SRGAP2: variants seen among roughly 807,000 people sequenced by gnomAD.
SRGAP2 encodes the protein SLIT-ROBO Rho GTPase-activating protein 2.
SRGAP2 carries 15 observed loss-of-function variants against 57.2 expected under a neutral mutation model. That is an observed-to-expected ratio of 0.26 (90% CI 0.18 to 0.40). The LOEUF is 0.40. Among genes scored for constraint, SRGAP2 ranks in the 10% least tolerant of loss-of-function variants. The pLI is 1.00. For missense variants in SRGAP2, 520 were observed against 669.6 expected (o/e 0.78, Z 2.47); for synonymous variants, 249 against 248.0 (o/e 1.00, Z -0.04).
At chr1:206,419,443 G>T (rs1572104947) in intron 12 of SRGAP2, 43 bp downstream of exon 12, 1 of 780,452 alleles carries the variant, frequency 1.3e-6, no homozygotes, top group South Asian at 1.3e-5. Flanking sequence ...ATAGAGGCTT[G>T]GTGGGTAGAG....
chr1:206,430,251 T>G, intron 14 of SRGAP2, 29 bp downstream of exon 14: 1 of 780,570 alleles, frequency 1.3e-6, no homozygotes, highest in Non-Finnish European at 2.4e-6. Context: ...TTGTCCATAT[T>G]TGTGCAAAGA....
chr1:206,305,734 T>C (rs1672152604), intron 3 of SRGAP2, among the ~76,000 whole-genome samples: 1 of 150,100 alleles, frequency 6.7e-6, no homozygotes, highest in South Asian at 2.1e-4. Flanking sequence ...TTTTCCCCAT[T>C]TTCTATTTTT....
At chr1:206,424,143 T>G (rs1653356468) in intron 13 of SRGAP2, among the ~76,000 whole-genome samples, 1 of 152,018 alleles carries the variant, frequency 6.6e-6, no homozygotes, top group South Asian at 2.1e-4. Flanking sequence ...TTTACTATGT[T>G]TTCCAACTTA....
rs536596356 is a variant in SRGAP2, at chr1:206,432,179, G to A, written c.1555+1957G>A. Among the ~76,000 whole-genome samples, 22 of 152,354 alleles carry A rather than the reference G, an allele frequency of 1.4e-4. No individual in the cohort carries two copies. The South Asian group carries it at 3.5e-3, about 24-fold the overall frequency. Reference sequence around the variant, plus strand: ...GATGGCGGCCTAGACCAGGGTGTTAGCTGTGGTATTTGCTGAAAAGTGGGC... The same window carrying A: ...GATGGCGGCCTAGACCAGGGTGTTAACTGTGGTATTTGCTGAAAAGTGGGC... On this transcript the variant is annotated intron_variant, in intron 14 of 22. Transcript: ENST00000573034.
At chr1:206,360,476 A>G (rs1676827225) in intron 4 of SRGAP2, among the ~76,000 whole-genome samples, 1 of 150,054 alleles carries the variant, frequency 6.7e-6, no homozygotes, top group African/African-American at 2.5e-5. Flanking sequence ...TAGGAGGAGT[A>G]GGGTGGAAGC....
At chr1:206,284,795 G>T (rs1351856893) in intron 2 of SRGAP2, among the ~76,000 whole-genome samples, 41 of 152,004 alleles carry the variant, frequency 2.7e-4, no homozygotes, top group African/African-American at 9.2e-4. Context: ...TACATTTTAT[G>T]ATATATGACA....
Position 206,303,405 on chromosome 1 carries a change from C to T in SRGAP2, c.192C>T (p.Ser64=), listed in dbSNP as rs1671985915. Reference sequence around the variant, plus strand: ...AGGCAGAGATTGAGATGGACTACTCCCGCAACCTGGAGAAGCTGGCAGAAC... The same window carrying T: ...AGGCAGAGATTGAGATGGACTACTCTCGCAACCTGGAGAAGCTGGCAGAAC... The part of the protein sequence containing the change: ...RKKAEIEMDY[S]RNLEKLAERF... The change falls in exon 3 of 23, where the codon TCC becomes TCT. Residue 64 remains serine, a synonymous_variant. Coordinates refer to ENST00000573034, the MANE Select transcript of SRGAP2 (RefSeq NM_015326.5). 1.3e-6 allele frequency: 2 copies of T among 1,546,230 alleles called. No homozygotes were observed. Among genetic ancestry groups the T allele is most frequent in the East Asian group, 2.4e-5 (1 of 40,868 alleles).
At chr1:206,432,309 A>G (rs918434120) in intron 14 of SRGAP2, among the ~76,000 whole-genome samples, 15 of 152,220 alleles carry the variant, frequency 9.9e-5, no homozygotes, top group African/African-American at 3.1e-4. Context: ...AAACAGGCAC[A>G]TTTATATGTT....
At chr1:206,371,592 A>T (rs1553342630) in intron 4 of SRGAP2, among the ~76,000 whole-genome samples, 1 of 151,466 alleles carries the variant, frequency 6.6e-6, no homozygotes, top group African/African-American at 2.4e-5. Context: ...TTAGCCAGGC[A>T]TAGTGGCGGG....
intron 20 of SRGAP2, chr1:206,453,905 T>G: frequency 2.0e-6 from 1 of 510,952 alleles, no homozygotes; most frequent in Non-Finnish European, 3.5e-6. Flanking sequence ...GAGGTTGATA[T>G]AGGGTAAGAT....
intron 17 of SRGAP2, among the ~76,000 whole-genome samples, chr1:206,442,170 G>A (rs1404430961): frequency 1.3e-5 from 2 of 152,188 alleles, no homozygotes; most frequent in Non-Finnish European, 1.5e-5. Flanking sequence ...ACACTATCAT[G>A]TAGCCCCCTT....
At chr1:206,445,955 A>C (rs936205362) in intron 17 of SRGAP2, 120 bp from the exon 18 acceptor site, 20 of 653,056 alleles carry the variant, frequency 3.1e-5, no homozygotes, top group Non-Finnish European at 5.1e-5. Flanking sequence ...TGACACCCAG[A>C]AAGGCAGGTG....
chr1:206,425,937 C>A (rs1558419870), intron 13 of SRGAP2, among the ~76,000 whole-genome samples: 1 of 151,548 alleles, frequency 6.6e-6, no homozygotes, highest in African/African-American at 2.4e-5. Context: ...ACCTCCACCT[C>A]CTGGATTGAA....
chr1:206,230,650 G>A (rs1438748094), intron 2 of SRGAP2, among the ~76,000 whole-genome samples: 2 of 148,472 alleles, frequency 1.3e-5, no homozygotes, highest in African/African-American at 2.5e-5. Flanking sequence ...TTTTTGAGAC[G>A]GAGTCTCGCT....
intron 12 of SRGAP2, 24 bp from the exon 13 acceptor site, chr1:206,421,226 C>G (rs1553364192): frequency 1.3e-6 from 1 of 778,408 alleles, no homozygotes; most frequent in Admixed American, 1.7e-5. Flanking sequence ...TTGGTCCAAT[C>G]TGATTCGGCG....
At chr1:206,386,796 CA>C (rs1225123382) in intron 5 of SRGAP2, among the ~76,000 whole-genome samples, 1,760 of 90,238 alleles carry the variant, frequency 0.02, 40 homozygotes, top group African/African-American at 0.062. Context: ...GAGACTGTCT[CA>C]AAAAAAAAAA....
intron 19 of SRGAP2, among the ~76,000 whole-genome samples, chr1:206,451,977 A>G (rs1235993125): frequency 6.6e-6 from 1 of 152,190 alleles, no homozygotes; most frequent in Non-Finnish European, 1.5e-5. Context: ...TCTGCTTCCC[A>G]GAATAGCCGA....
At chr1:206,310,503 G>A (rs77248433) in intron 3 of SRGAP2, among the ~76,000 whole-genome samples, 7 of 151,972 alleles carry the variant, frequency 4.6e-5, no homozygotes, top group South Asian at 2.1e-4. Context: ...AATTAAACTC[G>A]TGGCCTGCCT....
chr1:206,384,075 C>T lies in SRGAP2; in HGVS notation c.485C>T (p.Ser162Leu), dbSNP rs201168060. ...DLMKVLNELYSVMKTYHMYNA... is the reference protein window; with the variant it reads ...DLMKVLNELYLVMKTYHMYNA... Reference sequence around the variant, plus strand: ...ATGAAGGTCCTGAACGAGCTCTACTCGGTAAATCAGATGGGTTGCTTGGCT... The same window carrying T: ...ATGAAGGTCCTGAACGAGCTCTACTTGGTAAATCAGATGGGTTGCTTGGCT... The change falls in exon 5 of 23, where the codon TCG becomes TTG. Residue 162 changes from serine (S) to leucine (L), a missense_variant and splice_region_variant. Ser to Leu is a moderately radical substitution (Grantham distance 145). Around this residue, in one of 5 missense-constraint regions of SRGAP2, gnomAD observed 26 missense variants for 202.3 expected, o/e 0.13. Coordinates refer to ENST00000573034, the MANE Select transcript of SRGAP2 (RefSeq NM_015326.5). 16 of 928,646 alleles carry T rather than the reference C, an allele frequency of 1.7e-5. No homozygotes were observed. In the Middle Eastern group the frequency reaches 1.3e-3, roughly 73 times the overall value. 57.5% of individuals were successfully genotyped at this position (928,646 alleles called of 1,614,324 possible).
Sources: gnomAD v4.1 joint callset for allele counts (sites outside exome capture counted in the v4.1 genomes callset) on GRCh38, gnomAD v4.1.1 for gene constraint, gnomAD v4.1.1 regional missense constraint, MANE v1.5 for transcripts, NCBI Gene and HGNC (gene_info 2026-07-23, HGNC 2026-07-21) for gene names.